TTN: variants seen among roughly 807,000 people sequenced by gnomAD.
The protein encoded by TTN is connectin.
In TTN, 1,525 loss-of-function variants were observed where a neutral mutation model predicts 3,223.0. The observed-to-expected ratio is 0.47, with a 90% CI of 0.45 to 0.49. The LOEUF (loss-of-function observed/expected upper bound fraction) is 0.49, where lower values mean the gene tolerates loss of function less well. Ranked by LOEUF, TTN falls within the 20% of genes least tolerant of loss-of-function variation. The pLI is 0.00. For synonymous variants in TTN, 14,094 were observed against 15,161.0 expected (o/e 0.93, Z 5.17); for missense variants, 40,786 against 43,424.0 (o/e 0.94, Z 5.40).
At chr2:178,805,330 T>A (rs1459563494) in intron 1 of TTN, among the ~76,000 whole-genome samples, 1 of 125,182 alleles carries the variant, frequency 8.0e-6, no homozygotes, top group Non-Finnish European at 1.6e-5. Context: ...GGTGACAGAA[T>A]GAGACTCTGT....
chr2:178,766,702 C>A, intron 40 of TTN, 90 bp from the exon 41 acceptor site: 1 of 953,966 alleles, frequency 1.0e-6, no homozygotes, highest in South Asian at 1.4e-5. Context: ...TAAAACTGGT[C>A]AATGAATGGC....
chr2:178,580,783 T>A lies in TTN; in HGVS notation c.66770-174A>T, dbSNP rs564850246. On this transcript the variant is annotated intron_variant, in intron 316 of 362. Coordinates refer to ENST00000589042, the MANE Select transcript of TTN (RefSeq NM_001267550.2). ...TTTTCTGTTCTGTACTAATTGTTGA[T>A]CTTTCCATTTTCCACTATGCTTTAG... 5.6e-4 allele frequency: 389 copies of A among 689,122 alleles called. No individual in the cohort carries two copies. In the African/African-American group the frequency reaches 6.5e-3, roughly 12 times the overall value. The allele number at this position is 689,122 out of a possible 1,614,324, so 42.7% of individuals were successfully genotyped here.
intron 8 of TTN, 104 bp from the exon 9 acceptor site, chr2:178,793,645 C>T (rs777144773): frequency 4.9e-5 from 74 of 1,519,624 alleles, no homozygotes; most frequent in Middle Eastern, 1.8e-4. Context: ...CTAAAAAATA[C>T]AAAAATTAGC....
chr2:178,555,223 T>C, intron 330 of TTN, 71 bp from the exon 331 acceptor site: 1 of 1,391,484 alleles, frequency 7.2e-7, no homozygotes, highest in South Asian at 1.3e-5. Flanking sequence ...GCACCAACCT[T>C]AAAGTAAGGT....
intron 118 of TTN, 38 bp from the exon 119 acceptor site, chr2:178,693,727 G>C (rs772792986): frequency 1.9e-5 from 28 of 1,447,370 alleles, no homozygotes; most frequent in Non-Finnish European, 2.7e-5. Context: ...GATATGCCAT[G>C]TTGTGGGTGG....
chr2:178,774,757 A>T, intron 29 of TTN, 164 bp downstream of exon 29: 1 of 892,664 alleles, frequency 1.1e-6, no homozygotes, highest in Non-Finnish European at 1.7e-6. Flanking sequence ...TCAAATTGTT[A>T]ACATTCTTAA....
In TTN at chr2:178,632,985, C is replaced by T. The variant is rs751236287; in HGVS notation, c.43146G>A (p.Leu14382=). 3.7e-6 allele frequency: 6 copies of T among 1,613,112 alleles called. No homozygotes were observed. Among genetic ancestry groups the T allele is most frequent in the African/African-American group, 1.3e-5 (1 of 74,878 alleles). Residue 14382 remains leucine (L), a synonymous_variant, in exon 234 of 363, where the codon CTG becomes CTA. Coordinates refer to ENST00000589042, the MANE Select transcript of TTN (RefSeq NM_001267550.2). ...KHILILHNCQ[L]GMTGEVSFQA... is the part of the protein sequence containing the mutation. ...GGAAGGAAACCTCTCCTGTCATACCCAGCTGACAGTTATGAAGGATCAGAA... is the reference window on the plus strand; with the variant it reads ...GGAAGGAAACCTCTCCTGTCATACCTAGCTGACAGTTATGAAGGATCAGAA...
rs761397221 is a variant in TTN at position 178,548,274 on chromosome 2, T to C, written c.93352A>G (p.Arg31118Gly). The change falls in exon 339 of 363, where the codon AGG (arginine) becomes GGG (glycine). Residue 31118 changes from arginine to glycine, a missense_variant. Arg to Gly is a moderately radical substitution (Grantham distance 125). Transcript: ENST00000589042. The surrounding 1 kb of genome is among the most constrained non-coding windows in gnomAD (Gnocchi z 4.3). The part of the protein sequence containing the change: ...IVATEQPAPP[R>G]RLDVVDTSKS... ...CTAGTATCAACAACATCAAGTCTCC[T>C]AGGTGGAGCAGGCTGTTCTGTGGCT... is the stretch of plus-strand genomic sequence containing the variant. 4 of 1,613,852 alleles carry C rather than the reference T, an allele frequency of 2.5e-6. No homozygotes were observed. The highest frequency in any genetic ancestry group is 2.5e-6 in the Non-Finnish European group (3 of 1,179,810).
rs1449716392 is a variant in TTN, at chr2:178,647,116, A to G, written c.40170T>C (p.Tyr13390=). 1 of 1,437,810 alleles carries G rather than the reference A, an allele frequency of 7.0e-7. No homozygotes were observed. The highest frequency in any genetic ancestry group is 9.2e-7 in the Non-Finnish European group (1 of 1,091,134). 89.1% of individuals were successfully genotyped at this position (1,437,810 alleles called of 1,614,324 possible). A position where few individuals can be genotyped will look rare whatever the true frequency, so the allele number is the denominator to read the frequency against. ...EVEETPEEII[Y]EEKASITIGR... ...CAATGGTTATAGATGCTTTTTCTTCATATATTATTTCCTCAGGAGTCTCTT... is the reference window on the plus strand; with the variant it reads ...CAATGGTTATAGATGCTTTTTCTTCGTATATTATTTCCTCAGGAGTCTCTT... The change falls in exon 215 of 363, where the codon TAT becomes TAC. Residue 13390 remains tyrosine, a synonymous_variant. Coordinates refer to ENST00000589042, the MANE Select transcript of TTN (RefSeq NM_001267550.2).
chr2:178,570,754 A>T lies in TTN; in HGVS notation c.75378T>A (p.Gly25126=), dbSNP rs886055246. 9.3e-6 allele frequency: 15 copies of T among 1,613,406 alleles called. No homozygotes were observed. The Middle Eastern group carries it at 6.6e-4, about 71-fold the overall frequency. The change falls in exon 326 of 363, where the codon GGT becomes GGA. Residue 25126 remains glycine (G), a synonymous_variant. Coordinates refer to ENST00000589042, the MANE Select transcript of TTN (RefSeq NM_001267550.2). The part of the protein sequence containing the change: ...KYKDTIVVHA[G]ESFKVDADIY... Reference sequence around the variant, plus strand: ...TATCTGCATCAACCTTGAATGATTCACCAGCATGAACCACGATTGTGTCTT... The same window carrying T: ...TATCTGCATCAACCTTGAATGATTCTCCAGCATGAACCACGATTGTGTCTT...
chr2:178,769,315 G>A (rs1381442391), intron 37 of TTN, among the ~76,000 whole-genome samples: 2 of 151,764 alleles, frequency 1.3e-5, no homozygotes, highest in Non-Finnish European at 2.9e-5. Flanking sequence ...GTGCAGTGCC[G>A]TGATTGTGGC....
intron 4 of TTN, 79 bp from the exon 5 acceptor site, chr2:178,799,989 A>G (rs1359107953): frequency 6.8e-7 from 1 of 1,473,768 alleles, no homozygotes; most frequent in Non-Finnish European, 9.4e-7. Flanking sequence ...TTCTGACTAC[A>G]AAGTCAAAAA....
At chr2:178,663,982 G>T (rs1224108858) in intron 169 of TTN, 33 bp downstream of exon 169, 2 of 1,603,506 alleles carry the variant, frequency 1.2e-6, no homozygotes, top group African/African-American at 1.4e-5. Flanking sequence ...AGAAGAATTA[G>T]GTCTTCTGAA....
At chr2:178,698,313 CAG>C (rs1342332875) in intron 112 of TTN, among the ~76,000 whole-genome samples, 13 of 152,124 alleles carry the variant, frequency 8.5e-5, no homozygotes, top group African/African-American at 2.9e-4. Context: ...ATCTGTTGCA[CAG>C]AGTGGTGAAT....
chr2:178,722,216 G>C (rs1237971173), intron 77 of TTN, 43 bp downstream of exon 77: 18 of 1,530,462 alleles, frequency 1.2e-5, no homozygotes, highest in Non-Finnish European at 1.6e-5. Context: ...AATGAAATAT[G>C]AAGCCACAGT....
rs746559118 is a variant in TTN, at chr2:178,579,788, A to G, written c.67409T>C (p.Ile22470Thr). Residue 22470 changes from isoleucine to threonine, a missense_variant, in exon 319 of 363, where the codon ATT becomes ACT. Coordinates refer to ENST00000589042, the MANE Select transcript of TTN (RefSeq NM_001267550.2). ...ATCACTGTGAGGCTTTTTCCAGCCA[A>G]TGCTACAGGATGACTTAGATACAGA... ...VRSVSKSSCS[I>T]GWKKPHSDGG... The G allele has an allele frequency of 4.3e-6, 7 of 1,613,188 alleles. No homozygotes were observed. The highest frequency in any genetic ancestry group is 4.5e-5 in the East Asian group (2 of 44,770).
At position 178,530,835 on chromosome 2, in the gene TTN, G is replaced by T. The variant is rs373486593; in HGVS notation, c.105780C>A (p.His35260Gln). ...TCTCTGTGGGTGATACGGCTTTCGG[G>T]TGAGAAGGTTCTGGAGATTTCACTC... The part of the protein sequence containing the change: ...PKRVKSPEPS[H>Q]PKAVSPTETK... The change falls in exon 358 of 363, where the codon CAC becomes CAA. Residue 35260 changes from histidine to glutamine, a missense_variant. Coordinates refer to ENST00000589042, the MANE Select transcript of TTN (RefSeq NM_001267550.2). 1 of 1,613,740 alleles carries T rather than the reference G, an allele frequency of 6.2e-7. No homozygotes were observed. The highest frequency in any genetic ancestry group is 8.5e-7 in the Non-Finnish European group (1 of 1,179,878).
chr2:178,714,435 C>T lies in TTN; in HGVS notation c.26339G>A (p.Ser8780Asn), dbSNP rs764652580. 1.6e-5 allele frequency: 26 copies of T among 1,613,728 alleles called. No homozygotes were observed. The highest frequency in any genetic ancestry group is 2.2e-5 in the Non-Finnish European group (26 of 1,179,726). The change falls in exon 91 of 363, where the codon AGT (serine) becomes AAT (asparagine). Residue 8780 changes from serine (S) to asparagine (N), a missense_variant. Coordinates refer to ENST00000589042, the MANE Select transcript of TTN (RefSeq NM_001267550.2). ...FKDKGEIVRESDNIWISYSEN... is the reference protein window; with the variant it reads ...FKDKGEIVRENDNIWISYSEN... The stretch of plus-strand genomic sequence containing the variant: ...TGAATAAGAAATCCATATGTTGTCA[C>T]TTTCTCTAACGATTTCTCCCTTATC...
rs1382237741 is a variant in TTN at position 178,553,223 on chromosome 2, A to C, written c.89677T>G (p.Ser29893Ala). Residue 29893 changes from serine (S) to alanine (A), a missense_variant, in exon 335 of 363, where the codon TCA (serine) becomes GCA (alanine). Transcript: ENST00000589042. ...TGAGGAATGGTGAGTAATGAGGATG[A>C]ATCAGTGTTTTCAATGCTGTATCTG... Reference protein sequence around the residue: ...DARYSIENTDSSSLLTIPQVT... With the variant: ...DARYSIENTDASSLLTIPQVT... 3.1e-6 allele frequency: 5 copies of C among 1,613,602 alleles called. No homozygotes were observed. The highest frequency in any genetic ancestry group is 3.4e-6 in the Non-Finnish European group (4 of 1,179,828).
Sources: allele counts gnomAD v4.1 joint callset (sites outside exome capture counted in the v4.1 genomes callset), GRCh38; gene constraint gnomAD v4.1.1; non-coding constraint Gnocchi (gnomAD v3.1); transcripts MANE v1.5; gene names NCBI Gene and HGNC (gene_info 2026-07-23, HGNC 2026-07-21).